Variants in EYA4 observed in about 807,000 individuals in gnomAD.
EYA4 encodes the protein protein phosphatase EYA4.
EYA4 carries 31 observed loss-of-function variants against 87.9 expected under a neutral mutation model. The ratio of observed to expected loss-of-function variants is 0.35; its 90% CI spans 0.27 to 0.48. The LOEUF (loss-of-function observed/expected upper bound fraction) is 0.48, where lower values mean the gene tolerates loss of function less well. EYA4 is among the 20% of genes least tolerant of loss of function. The pLI is 0.99. For synonymous variants in EYA4, 263 were observed against 270.6 expected, an observed-to-expected ratio of 0.97 and a Z score of 0.28; for missense variants, 678 against 761.4, an observed-to-expected ratio of 0.89 and a Z score of 1.29.
chr6:133,356,781 GTGTGTGTGTGTATATA>G (rs1225040985), intron 2 of EYA4, among the ~76,000 whole-genome samples: 28 of 126,242 alleles, frequency 2.2e-4, no homozygotes, highest in African/African-American at 3.7e-4. Context: ...GTGTGTGTGT[GTGTGTGTGTGTATATA>G]TATATTTTAT....
At chr6:133,347,814 C>T (rs922018069) in intron 2 of EYA4, among the ~76,000 whole-genome samples, 3 of 152,170 alleles carry the variant, frequency 2.0e-5, no homozygotes, top group Non-Finnish European at 4.4e-5. Flanking sequence ...AAGTCTGATT[C>T]TAGATACTGC....
chr6:133,427,097 A>G (rs1790743447), intron 3 of EYA4, among the ~76,000 whole-genome samples: 1 of 152,174 alleles, frequency 6.6e-6, no homozygotes, highest in South Asian at 2.1e-4. Context: ...TAAGTGAATG[A>G]AAGTATGAAA....
Position 133,530,344 on chromosome 6 carries a change from T to C in EYA4, c.*1539T>C, listed in dbSNP as rs377162172. On this transcript the variant is annotated 3_prime_UTR_variant, in exon 20 of 20. Transcript: ENST00000355286. ...CATCGTTGTGTTTGCATGGTTTTTTTCCTTGTGTGTAGCCCATGTTGGGAA... is the reference window on the plus strand; with the variant it reads ...CATCGTTGTGTTTGCATGGTTTTTTCCCTTGTGTGTAGCCCATGTTGGGAA... 3.3e-5 allele frequency: 33 copies of C among 985,458 alleles called. 1 individual carries two copies. The South Asian group carries it at 1.1e-3, about 32-fold the overall frequency. 61.0% of individuals were successfully genotyped at this position (985,458 alleles called of 1,614,324 possible).
chr6:133,354,225 C>A (rs1254890776), intron 2 of EYA4, among the ~76,000 whole-genome samples: 2 of 152,112 alleles, frequency 1.3e-5, no homozygotes. Flanking sequence ...GACAAAATGT[C>A]ACTGAAATTC....
chr6:133,529,008 A>G lies in EYA4; in HGVS notation c.*203A>G. The G allele has an allele frequency of 3.6e-6, 5 of 1,383,174 alleles. No homozygotes were observed. Among genetic ancestry groups the G allele is most frequent in the Non-Finnish European group, 4.7e-6 (5 of 1,067,076 alleles). The allele number at this position is 1,383,174 out of a possible 1,614,324, so 85.7% of individuals were successfully genotyped here. A position where few individuals can be genotyped will look rare whatever the true frequency, so the allele number is the denominator to read the frequency against. On this transcript the variant is annotated 3_prime_UTR_variant, in exon 20 of 20. Transcript: ENST00000355286. ...CAGAAAAGAAACTCTATGGTCTTAT[A>G]TTTACAACACTTTAATGGGTTTTTT...
intron 2 of EYA4, among the ~76,000 whole-genome samples, chr6:133,275,090 G>A (rs1350931491): frequency 6.6e-6 from 1 of 152,116 alleles, no homozygotes; most frequent in Non-Finnish European, 1.5e-5. Context: ...GTTTTAGACA[G>A]TCTAAACAAT....
chr6:133,268,194 C>T (rs990483923), intron 1 of EYA4, among the ~76,000 whole-genome samples: 11 of 152,140 alleles, frequency 7.2e-5, no homozygotes, highest in Non-Finnish European at 1.3e-4. Context: ...ATTTAAACTT[C>T]GCCTCACTAA....
intron 3 of EYA4, among the ~76,000 whole-genome samples, chr6:133,382,691 C>A (rs1453089741): frequency 1.3e-5 from 2 of 151,014 alleles, no homozygotes; most frequent in African/African-American, 2.4e-5. Flanking sequence ...AAAAAAATCC[C>A]TTGGCATTAA....
chr6:133,253,558 T>C (rs776409498), intron 1 of EYA4, among the ~76,000 whole-genome samples: 58 of 152,198 alleles, frequency 3.8e-4, no homozygotes, highest in Admixed American at 6.5e-4. Context: ...ACTTCCTTTT[T>C]TCTCCCTGGC....
At chr6:133,464,028 A>G (rs904934513) in intron 9 of EYA4, among the ~76,000 whole-genome samples, 2 of 151,988 alleles carry the variant, frequency 1.3e-5, no homozygotes, top group African/African-American at 4.8e-5. Context: ...CACTGATTAC[A>G]TAATACATTG....
At chr6:133,350,506 G>T (rs373897205) in intron 2 of EYA4, among the ~76,000 whole-genome samples, 3 of 152,132 alleles carry the variant, frequency 2.0e-5, no homozygotes, top group East Asian at 3.9e-4. Flanking sequence ...AAATATGTGG[G>T]CAGAGCTTCT....
At chr6:133,445,739 C>G (rs111236576) in intron 3 of EYA4, among the ~76,000 whole-genome samples, 1 of 152,052 alleles carries the variant, frequency 6.6e-6, no homozygotes, top group Non-Finnish European at 1.5e-5. Flanking sequence ...CCACCAAGCC[C>G]GGCTGATTTT....
intron 3 of EYA4, among the ~76,000 whole-genome samples, chr6:133,436,996 T>C (rs1791750656): frequency 1.3e-5 from 2 of 152,234 alleles, no homozygotes; most frequent in South Asian, 4.2e-4. Context: ...CCATCTATGC[T>C]ACAGAAAAAT....
chr6:133,405,362 C>T lies in EYA4; in HGVS notation c.83+22921C>T, dbSNP rs1583191632. 7.9e-5 allele frequency among the ~76,000 whole-genome samples: 12 copies of T among 152,192 alleles called. No homozygotes were observed. In the South Asian group the frequency reaches 2.5e-3, roughly 32 times the overall value. On this transcript the variant is annotated intron_variant, in intron 3 of 19. Transcript: ENST00000355286. ...AGAATGGAATATACTTCTTATAGTC[C>T]AGTGGTTCTGACTGAATAACATATT... is the stretch of plus-strand genomic sequence containing the variant.
intron 19 of EYA4, 24 bp downstream of exon 19, chr6:133,525,278 G>A: frequency 1.3e-6 from 2 of 1,576,728 alleles, no homozygotes; most frequent in East Asian, 4.5e-5. Context: ...AACAATGTCG[G>A]TGTGATACTT....
chr6:133,294,467 T>G (rs1582874733), intron 2 of EYA4, among the ~76,000 whole-genome samples: 1 of 149,082 alleles, frequency 6.7e-6, no homozygotes, highest in Non-Finnish European at 1.5e-5. Context: ...GTTCAGGTGG[T>G]CGTCCCGCCT....
intron 2 of EYA4, among the ~76,000 whole-genome samples, chr6:133,281,397 A>G (rs1777613821): frequency 6.6e-6 from 1 of 152,172 alleles, no homozygotes. Flanking sequence ...ACAAAGATTT[A>G]CTCCTATGAT....
At chr6:133,499,289 C>A (rs1399141894) in intron 13 of EYA4, among the ~76,000 whole-genome samples, 1 of 152,132 alleles carries the variant, frequency 6.6e-6, no homozygotes, top group Non-Finnish European at 1.5e-5. Flanking sequence ...CCTGAGGAGC[C>A]TCGTGAGGTG....
intron 16 of EYA4, 125 bp from the exon 17 acceptor site, chr6:133,515,196 A>G (rs1259523938): frequency 5.6e-6 from 4 of 716,126 alleles, no homozygotes; most frequent in African/African-American, 5.2e-5. Flanking sequence ...ATAAATCTGT[A>G]TCTCTCTGCA....
Sources: gnomAD v4.1 joint callset for allele counts (sites outside exome capture counted in the v4.1 genomes callset) on GRCh38, gnomAD v4.1.1 for gene constraint, MANE v1.5 for transcripts, NCBI Gene and HGNC (gene_info 2026-07-23, HGNC 2026-07-21) for gene names.